OPCML: variants seen among roughly 807,000 people sequenced by gnomAD.
OPCML encodes opioid-binding protein/cell adhesion molecule.
A neutral mutation model predicts 37.8 loss-of-function variants in OPCML; 13 were observed. The observed-to-expected ratio is 0.34, with a 90% CI of 0.22 to 0.55. The LOEUF (loss-of-function observed/expected upper bound fraction) is 0.55. OPCML is among the 20% of genes least tolerant of loss of function. The pLI is 0.91. For synonymous variants in OPCML, 176 were observed against 168.8 expected (o/e 1.04, Z -0.33); for missense variants, 341 against 435.6 (o/e 0.78, Z 1.93).
intron 2 of OPCML, among the ~76,000 whole-genome samples, chr11:132,915,617 TGTAA>T (rs1470504618): frequency 2.0e-5 from 3 of 152,200 alleles, no homozygotes; most frequent in African/African-American, 4.8e-5. Flanking sequence ...ACCAGCAGTG[TGTAA>T]GTGTCACCTT....
At chr11:133,333,966 GGCTGTTTATA>G (rs2136654996) in intron 1 of OPCML, among the ~76,000 whole-genome samples, 1 of 152,314 alleles carries the variant, frequency 6.6e-6, no homozygotes, top group Non-Finnish European at 1.5e-5. Context: ...CAGTCAGAAT[GGCTGTTTATA>G]ATAAGTTAAA....
chr11:132,753,209 G>A (rs962180828), intron 2 of OPCML, among the ~76,000 whole-genome samples: 1 of 152,060 alleles, frequency 6.6e-6, no homozygotes, highest in African/African-American at 2.4e-5. Context: ...GTCTATCTTA[G>A]AGACCCTACT....
At chr11:133,304,234 C>G (rs1204741743) in intron 1 of OPCML, among the ~76,000 whole-genome samples, 3 of 152,180 alleles carry the variant, frequency 2.0e-5, no homozygotes, top group Non-Finnish European at 2.9e-5. Context: ...AGCTTACATT[C>G]ACTATAACGT....
At chr11:132,763,258 C>T (rs1171966149) in intron 2 of OPCML, among the ~76,000 whole-genome samples, 2 of 152,150 alleles carry the variant, frequency 1.3e-5, no homozygotes, top group African/African-American at 4.8e-5. Context: ...TGTTTCTATT[C>T]GGCCATCTTG....
intron 1 of OPCML, among the ~76,000 whole-genome samples, chr11:133,063,786 T>C (rs1300832838): frequency 6.6e-6 from 1 of 152,148 alleles, no homozygotes. Flanking sequence ...GGTCTTGAAC[T>C]CCTGACCTCA....
intron 2 of OPCML, among the ~76,000 whole-genome samples, chr11:132,726,212 G>A (rs769815944): frequency 3.9e-5 from 6 of 152,184 alleles, no homozygotes; most frequent in Non-Finnish European, 7.3e-5. Context: ...TTTACAAAAG[G>A]AAGAGTTTTA....
chr11:133,384,260 A>AG (rs1944994612), intron 1 of OPCML, among the ~76,000 whole-genome samples: 2 of 136,690 alleles, frequency 1.5e-5, no homozygotes, highest in African/African-American at 6.4e-5. Context: ...AAAAAAAAAA[A>AG]AAAAAGAAAA....
intron 2 of OPCML, among the ~76,000 whole-genome samples, chr11:132,851,067 T>C (rs1941787272): frequency 6.6e-6 from 1 of 152,238 alleles, no homozygotes; most frequent in Non-Finnish European, 1.5e-5. Context: ...AATTGAAATG[T>C]AGCATATCCT....
chr11:132,810,105 T>G (rs1939254756), intron 2 of OPCML, among the ~76,000 whole-genome samples: 1 of 152,058 alleles, frequency 6.6e-6, no homozygotes, highest in African/African-American at 2.4e-5. Flanking sequence ...CGCCTCAGCC[T>G]CCCAAAGTGC....
At chr11:132,801,784 C>A (rs1482505022) in intron 2 of OPCML, among the ~76,000 whole-genome samples, 1 of 152,110 alleles carries the variant, frequency 6.6e-6, no homozygotes, top group East Asian at 1.9e-4. Flanking sequence ...CTCATGAATT[C>A]AGGAAATCTT....
At chr11:133,286,460 C>T (rs1241558806) in intron 1 of OPCML, among the ~76,000 whole-genome samples, 1 of 106,634 alleles carries the variant, frequency 9.4e-6, no homozygotes, top group African/African-American at 4.2e-5. Context: ...CAGAGCGAGA[C>T]TGTGTCTCAC....
At chr11:132,532,794 C>T (rs1402087748) in intron 3 of OPCML, among the ~76,000 whole-genome samples, 3 of 152,120 alleles carry the variant, frequency 2.0e-5, no homozygotes, top group Non-Finnish European at 2.9e-5. Flanking sequence ...CCATCTTCAC[C>T]GTCCTTGTTT....
intron 1 of OPCML, among the ~76,000 whole-genome samples, chr11:133,458,175 T>C (rs180957698): frequency 0.025 from 3,318 of 134,324 alleles, 197 homozygotes; most frequent in African/African-American, 0.12. Flanking sequence ...CATATACATA[T>C]ATGTGTATAT....
At chr11:132,755,742 C>T (rs1946019725) in intron 2 of OPCML, among the ~76,000 whole-genome samples, 1 of 152,148 alleles carries the variant, frequency 6.6e-6, no homozygotes, top group Admixed American at 6.5e-5. Flanking sequence ...ATTAATATGT[C>T]ACCATTTTAT....
chr11:132,952,284 G>C (rs796340656), intron 1 of OPCML, among the ~76,000 whole-genome samples: 1 of 152,118 alleles, frequency 6.6e-6, no homozygotes, highest in Non-Finnish European at 1.5e-5. Flanking sequence ...AGAGTGGTAA[G>C]AATTGACTGG....
chr11:133,197,252 T>C (rs1450879021), intron 1 of OPCML, among the ~76,000 whole-genome samples: 2 of 152,242 alleles, frequency 1.3e-5, no homozygotes, highest in Non-Finnish European at 2.9e-5. Flanking sequence ...TCTCATTCTA[T>C]GTAATCTGAA....
At chr11:132,565,189 A>G (rs1404935573) in intron 3 of OPCML, among the ~76,000 whole-genome samples, 2 of 152,202 alleles carry the variant, frequency 1.3e-5, no homozygotes, top group African/African-American at 4.8e-5. Context: ...TCTCTAGGTT[A>G]TCTTCTCCTT....
chr11:132,967,203 CT>C (rs1422106545), intron 1 of OPCML, among the ~76,000 whole-genome samples: 1 of 151,998 alleles, frequency 6.6e-6, no homozygotes, highest in Admixed American at 6.5e-5. Context: ...TGCTCTAGGA[CT>C]TACTGTATAT....
At chr11:132,618,791 T>A (rs1939192819) in intron 3 of OPCML, among the ~76,000 whole-genome samples, 1 of 152,122 alleles carries the variant, frequency 6.6e-6, no homozygotes, top group Non-Finnish European at 1.5e-5. Context: ...AACTTTCCCA[T>A]CATTCCAACC....
Sources: allele counts gnomAD v4.1 joint callset (sites outside exome capture counted in the v4.1 genomes callset), GRCh38; gene constraint gnomAD v4.1.1; transcripts MANE v1.5; gene names NCBI Gene and HGNC (gene_info 2026-07-23, HGNC 2026-07-21).